Variants in GRIK4 observed in about 807,000 individuals in gnomAD.
The protein encoded by GRIK4 is glutamate receptor ionotropic, kainate 4.
Under a neutral mutation model 104.9 loss-of-function variants are expected in GRIK4, and 40 were observed. That is an observed-to-expected ratio of 0.38 (90% CI 0.30 to 0.50). The LOEUF (loss-of-function observed/expected upper bound fraction) is 0.50. GRIK4 is among the 20% of genes least tolerant of loss of function. The probability of loss-of-function intolerance (pLI) is 0.93; values close to 1 mark genes in which losing one functional copy is unlikely to be tolerated. For synonymous variants in GRIK4, 485 were observed against 524.9 expected (o/e 0.92, Z 1.04); for missense variants, 1,047 against 1,308.1 (o/e 0.80, Z 3.08).
intron 18 of GRIK4, among the ~76,000 whole-genome samples, chr11:120,965,416 A>G (rs1221295008): frequency 6.6e-6 from 1 of 152,240 alleles, no homozygotes; most frequent in African/African-American, 2.4e-5. Flanking sequence ...CAGATGTGTA[A>G]TAAGTACTTA....
At chr11:120,968,632 G>A (rs1224321136) in intron 19 of GRIK4, among the ~76,000 whole-genome samples, 1 of 152,138 alleles carries the variant, frequency 6.6e-6, no homozygotes, top group Non-Finnish European at 1.5e-5. Context: ...AGGAAATGCT[G>A]CCCTCAGAGG....
At chr11:120,898,845 G>A (rs1942656755) in intron 12 of GRIK4, among the ~76,000 whole-genome samples, 1 of 152,204 alleles carries the variant, frequency 6.6e-6, no homozygotes, top group African/African-American at 2.4e-5. Context: ...GGAGGGTTGG[G>A]GTGGAGAGAC....
intron 11 of GRIK4, among the ~76,000 whole-genome samples, chr11:120,891,907 T>A (rs1016754140): frequency 2.0e-5 from 3 of 152,210 alleles, no homozygotes; most frequent in Non-Finnish European, 4.4e-5. Context: ...GTCCACGTGA[T>A]AAATATTTAG....
At chr11:120,749,211 A>G (rs952322729) in intron 3 of GRIK4, among the ~76,000 whole-genome samples, 18 of 151,888 alleles carry the variant, frequency 1.2e-4, no homozygotes, top group Admixed American at 9.8e-4. Context: ...CCCACTCCCA[A>G]CATCCTCCCA....
intron 1 of GRIK4, among the ~76,000 whole-genome samples, chr11:120,569,087 G>A (rs537358144): frequency 6.6e-6 from 1 of 152,314 alleles, no homozygotes; most frequent in East Asian, 1.9e-4. Flanking sequence ...TTTTATGAAG[G>A]GGAAGTGGCA....
At chr11:120,853,786 T>G (rs1954034517) in intron 8 of GRIK4, among the ~76,000 whole-genome samples, 1 of 152,228 alleles carries the variant, frequency 6.6e-6, no homozygotes, top group African/African-American at 2.4e-5. Context: ...AATCGTTTAG[T>G]GTTTCAGGAC....
At chr11:120,640,553 T>C (rs1949457372) in intron 1 of GRIK4, among the ~76,000 whole-genome samples, 1 of 152,196 alleles carries the variant, frequency 6.6e-6, no homozygotes, top group South Asian at 2.1e-4. Flanking sequence ...TCCATCACCA[T>C]CAAATTGCCC....
At chr11:120,559,633 G>C (rs1158559513) in intron 1 of GRIK4, among the ~76,000 whole-genome samples, 1 of 152,074 alleles carries the variant, frequency 6.6e-6, no homozygotes, top group Non-Finnish European at 1.5e-5. Flanking sequence ...CATTACTCAG[G>C]GTCATTATTA....
chr11:120,530,452 G>A (rs528646888), intron 1 of GRIK4, among the ~76,000 whole-genome samples: 5 of 152,254 alleles, frequency 3.3e-5, no homozygotes, highest in Non-Finnish European at 4.4e-5. Flanking sequence ...TTGGTGAGTC[G>A]TTAGTCTGCA....
At chr11:120,673,859 G>T (rs58965576) in intron 3 of GRIK4, among the ~76,000 whole-genome samples, 2 of 152,166 alleles carry the variant, frequency 1.3e-5, no homozygotes, top group African/African-American at 4.8e-5. Context: ...CTGACTGTTT[G>T]CTTTTCCTTA....
intron 13 of GRIK4, among the ~76,000 whole-genome samples, chr11:120,922,534 C>T (rs1943247081): frequency 6.6e-6 from 1 of 152,242 alleles, no homozygotes; most frequent in African/African-American, 2.4e-5. Flanking sequence ...TCTGGCCATC[C>T]CTCACCAGAA....
intron 1 of GRIK4, among the ~76,000 whole-genome samples, chr11:120,611,504 T>C (rs1267640265): frequency 6.6e-6 from 1 of 152,168 alleles, no homozygotes; most frequent in Non-Finnish European, 1.5e-5. Context: ...GCTCAAAAAA[T>C]GGTGATAATG....
At chr11:120,588,723 T>G (rs1158480471) in intron 1 of GRIK4, among the ~76,000 whole-genome samples, 1 of 152,100 alleles carries the variant, frequency 6.6e-6, no homozygotes, top group Non-Finnish European at 1.5e-5. Context: ...TTCCTTGTTG[T>G]GGGGGTGCTC....
At chr11:120,832,173 A>C (rs1357409020) in intron 7 of GRIK4, 143 bp downstream of exon 7, 1 of 563,174 alleles carries the variant, frequency 1.8e-6, no homozygotes, top group Non-Finnish European at 3.1e-6. Flanking sequence ...TTCTGTTTTC[A>C]ATGAGCGGTT....
At chr11:120,814,574 G>T (rs1952894763) in intron 4 of GRIK4, among the ~76,000 whole-genome samples, 1 of 152,144 alleles carries the variant, frequency 6.6e-6, no homozygotes, top group Non-Finnish European at 1.5e-5. Flanking sequence ...ACTCCAACCT[G>T]GGTGACAGGG....
chr11:120,877,623 A>G (rs144732998), intron 11 of GRIK4, among the ~76,000 whole-genome samples: 3 of 152,292 alleles, frequency 2.0e-5, no homozygotes, highest in Non-Finnish European at 4.4e-5. Context: ...GTTTTTTAAG[A>G]TGGAGAAAGT....
intron 3 of GRIK4, among the ~76,000 whole-genome samples, chr11:120,699,673 AG>A (rs1419806682): frequency 6.6e-6 from 1 of 152,188 alleles, no homozygotes; most frequent in Admixed American, 6.5e-5. Context: ...CATTGTAGAC[AG>A]GGTGGGCATG....
chr11:120,956,974 G>A lies in GRIK4; in HGVS notation c.1874+21G>A. ...GTCTGGTAAGGCCCCAGGCAGAGGTGAACCAGGCCAGGTGGGGTGGGGACA... is the reference window on the plus strand; with the variant it reads ...GTCTGGTAAGGCCCCAGGCAGAGGTAAACCAGGCCAGGTGGGGTGGGGACA... On this transcript the variant is annotated intron_variant, in intron 16 of 20. Transcript: ENST00000527524. This position sits in a 1 kb window ranked among gnomAD's most constrained non-coding sequence, Gnocchi z 4.6. 1.9e-6 allele frequency: 3 copies of A among 1,567,328 alleles called. No individual in the cohort carries two copies. The highest frequency in any genetic ancestry group is 2.6e-6 in the Non-Finnish European group (3 of 1,155,164).
intron 9 of GRIK4, chr11:120,868,915 T>A (rs1592010068): frequency 6.6e-6 from 1 of 152,276 alleles, no homozygotes; most frequent in African/African-American, 2.4e-5. Flanking sequence ...AGAAACTGCT[T>A]CTCCCTGACT....
Sources: allele counts gnomAD v4.1 joint callset (sites outside exome capture counted in the v4.1 genomes callset), GRCh38; gene constraint gnomAD v4.1.1; non-coding constraint Gnocchi (gnomAD v3.1); transcripts MANE v1.5; gene names NCBI Gene and HGNC (gene_info 2026-07-23, HGNC 2026-07-21).